ARHGAP32: variants seen among roughly 807,000 people sequenced by gnomAD.
ARHGAP32 encodes the protein Rho GTPase activating protein 32.
In ARHGAP32, 51 loss-of-function variants were observed where a neutral mutation model predicts 186.5. The observed-to-expected ratio is 0.27, with a 90% CI of 0.22 to 0.35. The LOEUF (loss-of-function observed/expected upper bound fraction) is 0.35. Among genes scored for constraint, ARHGAP32 ranks in the 10% least tolerant of loss-of-function variants. ARHGAP32 has a pLI of 1.00. For missense variants in ARHGAP32, 2,186 were observed against 2,623.5 expected (o/e 0.83, Z 3.64); for synonymous variants, 950 against 964.3 (o/e 0.99, Z 0.27).
Position 128,974,853 on chromosome 11 carries a change from G to C in ARHGAP32, c.2344C>G (p.His782Asp). ...NESEEEGGLL[H>D]IPALMSPHSA... Reference sequence around the variant, plus strand: ...TGAGGAGACATAAGGGCTGGGATATGAAGCAGCCCTCCTTCCTCCTCACTC... The same window carrying C: ...TGAGGAGACATAAGGGCTGGGATATCAAGCAGCCCTCCTTCCTCCTCACTC... The change falls in exon 21 of 23, where the codon CAT becomes GAT. Residue 782 changes from histidine (H) to aspartate (D), a missense_variant. This residue lies in a region of ARHGAP32 where 263 missense variants were observed against 323.5 expected (regional missense o/e 0.81). Transcript: ENST00000682385. The C allele has an allele frequency of 6.2e-7, 1 of 1,614,184 alleles. No homozygotes were observed. Among genetic ancestry groups the C allele is most frequent in the South Asian group, 1.1e-5 (1 of 91,080 alleles).
intron 1 of ARHGAP32, among the ~76,000 whole-genome samples, chr11:129,234,727 A>G (rs1408043197): frequency 6.6e-6 from 1 of 152,134 alleles, no homozygotes; most frequent in Non-Finnish European, 1.5e-5. Context: ...ACCCCTCCAG[A>G]GTAGGGTGGG....
At chr11:129,199,882 T>C (rs1383089710) in intron 1 of ARHGAP32, among the ~76,000 whole-genome samples, 24 of 151,980 alleles carry the variant, frequency 1.6e-4, no homozygotes, top group Admixed American at 1.6e-3. Context: ...AGGAGGGAGG[T>C]TGTACCCTGC....
chr11:129,251,866 C>T (rs1945189418), intron 1 of ARHGAP32, among the ~76,000 whole-genome samples: 2 of 148,468 alleles, frequency 1.3e-5, no homozygotes, highest in African/African-American at 5.0e-5. Flanking sequence ...ACCCAGGAGG[C>T]GGAGGTTGCA....
intron 1 of ARHGAP32, among the ~76,000 whole-genome samples, chr11:129,174,627 C>T (rs1943863681): frequency 6.6e-6 from 1 of 152,178 alleles, no homozygotes; most frequent in Admixed American, 6.5e-5. Context: ...CAAGTGGGTC[C>T]CTGACCCCTG....
intron 21 of ARHGAP32, chr11:128,973,861 G>A (rs1945466527): frequency 7.4e-6 from 4 of 543,038 alleles, no homozygotes; most frequent in African/African-American, 1.9e-5. Flanking sequence ...ACGCAGTTGT[G>A]CAAAAATTAT....
intron 11 of ARHGAP32, among the ~76,000 whole-genome samples, chr11:129,019,032 A>T (rs1167754850): frequency 6.6e-6 from 1 of 152,214 alleles, no homozygotes; most frequent in Non-Finnish European, 1.5e-5. Context: ...TACAAAAAAT[A>T]TCATTCAAAT....
At chr11:129,105,375 T>TGAAGG (rs1259904978) in intron 5 of ARHGAP32, among the ~76,000 whole-genome samples, 1 of 152,160 alleles carries the variant, frequency 6.6e-6, no homozygotes, top group Non-Finnish European at 1.5e-5. Flanking sequence ...AAGTGTAACA[T>TGAAGG]GAAGGGAAGA....
chr11:129,185,868 C>T (rs1240664652), intron 1 of ARHGAP32, among the ~76,000 whole-genome samples: 1 of 151,718 alleles, frequency 6.6e-6, no homozygotes, highest in African/African-American at 2.4e-5. Flanking sequence ...ATTTTATTTT[C>T]AAATAGAGAA....
chr11:129,116,206 G>A (rs959639735), intron 5 of ARHGAP32, among the ~76,000 whole-genome samples: 1 of 151,946 alleles, frequency 6.6e-6, no homozygotes, highest in African/African-American at 2.4e-5. Flanking sequence ...TTACTAGTAG[G>A]AAAACATCTC....
intron 5 of ARHGAP32, among the ~76,000 whole-genome samples, chr11:129,095,130 G>C (rs967134977): frequency 1.3e-5 from 2 of 152,078 alleles, no homozygotes; most frequent in Non-Finnish European, 2.9e-5. Flanking sequence ...AAAAAGCCAG[G>C]TTAATGATAA....
At chr11:129,262,135 A>G (rs1006841377) in intron 1 of ARHGAP32, among the ~76,000 whole-genome samples, 1 of 152,194 alleles carries the variant, frequency 6.6e-6, no homozygotes, top group Non-Finnish European at 1.5e-5. Context: ...GACTAATAAA[A>G]TAGAATTAAA....
intron 11 of ARHGAP32, among the ~76,000 whole-genome samples, chr11:129,000,998 T>C (rs1286865656): frequency 6.6e-6 from 1 of 152,088 alleles, no homozygotes; most frequent in Non-Finnish European, 1.5e-5. Flanking sequence ...CCATTGTGTA[T>C]ATGTACCACA....
chr11:129,187,877 G>A (rs553831567), intron 1 of ARHGAP32, among the ~76,000 whole-genome samples: 1 of 152,140 alleles, frequency 6.6e-6, no homozygotes, highest in African/African-American at 2.4e-5. Flanking sequence ...AAATGGGCCT[G>A]GGTGTGATAT....
intron 22 of ARHGAP32, 99 bp downstream of exon 22, chr11:128,972,354 T>C: frequency 4.5e-6 from 6 of 1,344,832 alleles, no homozygotes; most frequent in Non-Finnish European, 4.9e-6. Flanking sequence ...TTAAAAGTAA[T>C]TGTTGTGTCT....
At chr11:129,211,349 C>T in intron 1 of ARHGAP32, among the ~76,000 whole-genome samples, 1 of 152,088 alleles carries the variant, frequency 6.6e-6, no homozygotes, top group East Asian at 1.9e-4. Context: ...AAATGTATCA[C>T]AATTATAGCA....
At chr11:128,980,184 T>G (rs1388962229) in intron 18 of ARHGAP32, among the ~76,000 whole-genome samples, 3 of 152,248 alleles carry the variant, frequency 2.0e-5, no homozygotes, top group Non-Finnish European at 4.4e-5. Context: ...CAAGTCACTG[T>G]CCATTCCTGA....
chr11:129,186,529 T>C (rs750113879), intron 1 of ARHGAP32, among the ~76,000 whole-genome samples: 13 of 152,066 alleles, frequency 8.5e-5, no homozygotes, highest in Non-Finnish European at 1.6e-4. Context: ...TACTTACTGT[T>C]AAAAGAATAT....
At chr11:128,972,294 C>G (rs952675791) in intron 22 of ARHGAP32, 159 bp downstream of exon 22, 1 of 725,228 alleles carries the variant, frequency 1.4e-6, no homozygotes, top group Non-Finnish European at 2.1e-6. Flanking sequence ...AAGGTAATGG[C>G]AGACTCCAAC....
intron 1 of ARHGAP32, among the ~76,000 whole-genome samples, chr11:129,229,485 C>T (rs1416026079): frequency 6.6e-6 from 1 of 152,094 alleles, no homozygotes; most frequent in Non-Finnish European, 1.5e-5. Flanking sequence ...TCAAATGCTA[C>T]CAATTATCAA....
Sources: allele counts gnomAD v4.1 joint callset (sites outside exome capture counted in the v4.1 genomes callset), GRCh38; gene constraint gnomAD v4.1.1; regional missense constraint gnomAD v4.1.1; transcripts MANE v1.5; gene names NCBI Gene and HGNC (gene_info 2026-07-23, HGNC 2026-07-21).